Variants in POU2F1 observed in about 807,000 individuals in gnomAD.
POU2F1 encodes POU domain, class 2, transcription factor 1.
A neutral mutation model predicts 84.9 loss-of-function variants in POU2F1; 16 were observed. The observed-to-expected ratio is 0.19, with a 90% CI of 0.13 to 0.29. The LOEUF (loss-of-function observed/expected upper bound fraction) is 0.29, where lower values mean the gene tolerates loss of function less well. POU2F1 is among the 10% of genes least tolerant of loss of function. The pLI, the probability that POU2F1 is intolerant of heterozygous loss-of-function variation, is 1.00. For synonymous variants in POU2F1, 368 were observed against 368.3 expected (o/e 1.00, Z 0.01); for missense variants, 738 against 942.6 (o/e 0.78, Z 2.84).
At chr1:167,273,325 G>A (rs184959846) in intron 1 of POU2F1, among the ~76,000 whole-genome samples, 1 of 152,326 alleles carries the variant, frequency 6.6e-6, no homozygotes, top group East Asian at 1.9e-4. Flanking sequence ...TCTGGAGGAC[G>A]GTGGCCCTCT....
At chr1:167,326,481 CCATCTGTAGAGGCTTGGA>C (rs1394312750) in intron 1 of POU2F1, among the ~76,000 whole-genome samples, 1 of 152,190 alleles carries the variant, frequency 6.6e-6, no homozygotes, top group Non-Finnish European at 1.5e-5. Flanking sequence ...CTCTCCCAAT[CCATCTGTAGAGGCTTGGA>C]CAAACTCCTG....
At chr1:167,395,269 A>G (rs1241211376) in intron 9 of POU2F1, among the ~76,000 whole-genome samples, 4 of 152,206 alleles carry the variant, frequency 2.6e-5, no homozygotes, top group Non-Finnish European at 4.4e-5. Context: ...TTCTATTGCT[A>G]TAAGGTTACT....
chr1:167,258,830 A>G (rs1342071924), intron 1 of POU2F1, among the ~76,000 whole-genome samples: 2 of 152,236 alleles, frequency 1.3e-5, no homozygotes, highest in Non-Finnish European at 2.9e-5. Context: ...GAAGAATAGA[A>G]TTATTTGGGG....
At chr1:167,344,150 C>T (rs868826232) in intron 2 of POU2F1, among the ~76,000 whole-genome samples, 4 of 152,136 alleles carry the variant, frequency 2.6e-5, no homozygotes, top group Admixed American at 6.5e-5. Flanking sequence ...TCAGTAGCCA[C>T]GTGTAGTTAG....
intron 1 of POU2F1, among the ~76,000 whole-genome samples, chr1:167,247,942 T>G (rs78219045): frequency 0.046 from 7,070 of 152,290 alleles, 227 homozygotes; most frequent in African/African-American, 0.088. Flanking sequence ...AGTCAGATTC[T>G]CATAACCAGT....
chr1:167,394,378 A>C (rs1648654953), intron 9 of POU2F1, among the ~76,000 whole-genome samples: 3 of 152,290 alleles, frequency 2.0e-5, no homozygotes, highest in South Asian at 4.1e-4. Flanking sequence ...AAACATAATC[A>C]TCTGTGTCTT....
chr1:167,358,715 G>GATTTTTTTTTTTTTTTTTT (rs1557923742), intron 2 of POU2F1, among the ~76,000 whole-genome samples: 1 of 41,584 alleles, frequency 2.4e-5, no homozygotes, highest in African/African-American at 8.0e-5. Flanking sequence ...ATTATCTGCA[G>GATTTTTTTTTTTTTTTTTT]CTTTTTTTTT....
At chr1:167,343,953 G>A (rs1270065777) in intron 2 of POU2F1, among the ~76,000 whole-genome samples, 1 of 151,946 alleles carries the variant, frequency 6.6e-6, no homozygotes, top group Non-Finnish European at 1.5e-5. Flanking sequence ...GAGGAGAGTG[G>A]AATCAGCCAA....
rs144910076 is a variant in POU2F1, at chr1:167,341,863, C to T, written c.127+9328C>T. On this transcript the variant is annotated intron_variant, in intron 2 of 15. Coordinates refer to ENST00000367866, the MANE Select transcript of POU2F1 (RefSeq NM_002697.4). ...GTTGAGCGGTGGAGGTGGCTCTTAG[C>T]GGGATGGATGGGGAGCTGGAAAGGG... 2.3e-4 allele frequency among the ~76,000 whole-genome samples: 35 copies of T among 152,108 alleles called. No individual in the cohort carries two copies. The East Asian group carries it at 4.2e-3, about 18-fold the overall frequency.
In POU2F1 at chr1:167,241,066, C is replaced by T. The variant is rs185772611; in HGVS notation, c.61+20108C>T. On this transcript the variant is annotated intron_variant, in intron 1 of 15. Transcript: ENST00000367866. ...CTGAGGCGGGAGAATCACTTGAACCCGGGAGGCGGAGGTTGCCGTGAGCCA... is the reference window on the plus strand; with the variant it reads ...CTGAGGCGGGAGAATCACTTGAACCTGGGAGGCGGAGGTTGCCGTGAGCCA... Among the ~76,000 whole-genome samples, 1,100 of 152,170 alleles carry T rather than the reference C, an allele frequency of 7.2e-3. 5 individuals carry two copies. The highest frequency in any genetic ancestry group is 0.013 in the Non-Finnish European group (876 of 67,996).
At chr1:167,398,733 C>A (rs999517524) in intron 11 of POU2F1, among the ~76,000 whole-genome samples, 1 of 152,172 alleles carries the variant, frequency 6.6e-6, no homozygotes, top group Non-Finnish European at 1.5e-5. Flanking sequence ...ATTGGGAGGA[C>A]TCTGAATTAG....
intron 1 of POU2F1, among the ~76,000 whole-genome samples, chr1:167,315,622 T>G (rs1412012657): frequency 1.3e-5 from 2 of 150,878 alleles, no homozygotes; most frequent in Non-Finnish European, 2.9e-5. Context: ...AAAAAAATTG[T>G]TTTTTGTTTG....
At chr1:167,407,187 G>A (rs1222243703) in intron 13 of POU2F1, among the ~76,000 whole-genome samples, 13 of 151,692 alleles carry the variant, frequency 8.6e-5, no homozygotes, top group Admixed American at 6.6e-4. Flanking sequence ...CATGCCACCC[G>A]CCCAGCTAAT....
intron 1 of POU2F1, among the ~76,000 whole-genome samples, chr1:167,265,831 C>G (rs1011300721): frequency 1.3e-5 from 2 of 152,148 alleles, no homozygotes; most frequent in South Asian, 4.1e-4. Flanking sequence ...AGTCTCCTCC[C>G]CTCTCTGCAA....
intron 2 of POU2F1, among the ~76,000 whole-genome samples, chr1:167,346,829 TCTTA>T (rs1338146696): frequency 6.6e-6 from 1 of 152,238 alleles, no homozygotes; most frequent in Non-Finnish European, 1.5e-5. Context: ...TGATTATGCT[TCTTA>T]CTTTTGTAGT....
rs562821180 is a variant in POU2F1, at chr1:167,372,059, A to G, written c.402+23A>G. 1.3e-5 allele frequency: 20 copies of G among 1,599,032 alleles called. 1 individual carries two copies. The South Asian group carries it at 1.9e-4, about 15-fold the overall frequency. On this transcript the variant is annotated intron_variant, in intron 5 of 15. Coordinates refer to ENST00000367866, the MANE Select transcript of POU2F1 (RefSeq NM_002697.4). ...GGGGTAAGTGTTCACTGAGAGAATT[A>G]TAACAAACTTTTTCTGTGTCAGAAC...
intron 12 of POU2F1, among the ~76,000 whole-genome samples, chr1:167,400,472 T>G (rs1446308911): frequency 6.6e-6 from 1 of 152,222 alleles, no homozygotes; most frequent in Non-Finnish European, 1.5e-5. Context: ...TAAAGCCCAG[T>G]TTATTAAACT....
chr1:167,239,066 A>ACAC (rs1261223077), intron 1 of POU2F1, among the ~76,000 whole-genome samples: 1 of 152,112 alleles, frequency 6.6e-6, no homozygotes, highest in East Asian at 1.9e-4. Context: ...GTAAGGTGTA[A>ACAC]CCCTGACAAA....
chr1:167,329,956 T>C (rs1170080135), intron 1 of POU2F1, among the ~76,000 whole-genome samples: 1 of 152,194 alleles, frequency 6.6e-6, no homozygotes, highest in Non-Finnish European at 1.5e-5. Flanking sequence ...TTTAGAGTTT[T>C]CTCTGTAGAA....
Sources: gnomAD v4.1 joint callset for allele counts (sites outside exome capture counted in the v4.1 genomes callset) on GRCh38, gnomAD v4.1.1 for gene constraint, MANE v1.5 for transcripts, NCBI Gene and HGNC (gene_info 2026-07-23, HGNC 2026-07-21) for gene names.